CDH12: variants seen among roughly 807,000 people sequenced by gnomAD.
CDH12 encodes cadherin-12.
Under a neutral mutation model 74.1 loss-of-function variants are expected in CDH12, and 41 were observed. The ratio of observed to expected loss-of-function variants is 0.55; its 90% CI spans 0.43 to 0.72. The LOEUF (loss-of-function observed/expected upper bound fraction) is 0.72. CDH12 is among the 30% of genes least tolerant of loss of function. CDH12 has a pLI of 0.00. For missense variants in CDH12, 945 were observed against 977.2 expected (o/e 0.97, Z 0.44); for synonymous variants, 399 against 355.0 (o/e 1.12, Z -1.39).
intron 3 of CDH12, among the ~76,000 whole-genome samples, chr5:22,299,922 C>T (rs1181982538): frequency 1.3e-5 from 2 of 151,980 alleles, no homozygotes; most frequent in Non-Finnish European, 2.9e-5. Flanking sequence ...ACACTTTTAC[C>T]GAAATTAATT....
chr5:22,770,156 C>T (rs1746733580), intron 1 of CDH12, among the ~76,000 whole-genome samples: 1 of 150,812 alleles, frequency 6.6e-6, no homozygotes, highest in Non-Finnish European at 1.5e-5. Flanking sequence ...TGTGTATTGT[C>T]CAAAAACTAA....
intron 2 of CDH12, among the ~76,000 whole-genome samples, chr5:22,489,139 G>A (rs1376980249): frequency 8.5e-6 from 1 of 117,660 alleles, no homozygotes; most frequent in Non-Finnish European, 1.8e-5. Flanking sequence ...CTCACTGCAA[G>A]CTCCACCTCC....
chr5:21,836,977 C>A (rs571599764), intron 8 of CDH12, among the ~76,000 whole-genome samples: 1 of 151,908 alleles, frequency 6.6e-6, no homozygotes, highest in Non-Finnish European at 1.5e-5. Context: ...TCTGTAGGAT[C>A]TTTTGGGGGA....
At chr5:22,742,193 AGAAAG>A (rs1745062098) in intron 1 of CDH12, among the ~76,000 whole-genome samples, 1 of 151,382 alleles carries the variant, frequency 6.6e-6, no homozygotes, top group South Asian at 2.1e-4. Flanking sequence ...AAAAAAAAGA[AGAAAG>A]AAAGAAAGAA....
intron 2 of CDH12, among the ~76,000 whole-genome samples, chr5:22,488,138 C>T (rs1300528588): frequency 6.6e-6 from 1 of 152,156 alleles, no homozygotes; most frequent in Admixed American, 6.5e-5. Flanking sequence ...TGATTTGACA[C>T]ACCTCATACA....
chr5:21,779,041 GT>G (rs550851353), intron 11 of CDH12, among the ~76,000 whole-genome samples: 7 of 151,014 alleles, frequency 4.6e-5, no homozygotes, highest in Admixed American at 2.0e-4. Flanking sequence ...GGAATTCACT[GT>G]TTTTTTTTAA....
At chr5:22,578,404 A>C (rs1739904904) in intron 1 of CDH12, among the ~76,000 whole-genome samples, 1 of 151,136 alleles carries the variant, frequency 6.6e-6, no homozygotes, top group Admixed American at 6.6e-5. Flanking sequence ...GGGTGTTTTT[A>C]GCATATTAGG....
At chr5:22,472,559 A>G (rs1746006624) in intron 2 of CDH12, among the ~76,000 whole-genome samples, 1 of 152,132 alleles carries the variant, frequency 6.6e-6, no homozygotes, top group Admixed American at 6.6e-5. Context: ...AAATGCTAAT[A>G]TTTCCAAACT....
intron 1 of CDH12, among the ~76,000 whole-genome samples, chr5:22,639,867 C>T: frequency 6.6e-6 from 1 of 152,128 alleles, no homozygotes; most frequent in Non-Finnish European, 1.5e-5. Flanking sequence ...CATACTGTTT[C>T]AGGCCCGAGT....
At chr5:22,433,307 A>G (rs1377418484) in intron 2 of CDH12, among the ~76,000 whole-genome samples, 1 of 152,310 alleles carries the variant, frequency 6.6e-6, no homozygotes, top group East Asian at 1.9e-4. Context: ...AATGTATCAA[A>G]CAATTGGCTG....
intron 5 of CDH12, among the ~76,000 whole-genome samples, chr5:21,991,802 A>G (rs1757766655): frequency 6.6e-6 from 1 of 151,814 alleles, no homozygotes; most frequent in South Asian, 2.1e-4. Flanking sequence ...TCACAAATGC[A>G]GAAAAAATAA....
At chr5:22,328,873 G>C (rs1739232085) in intron 3 of CDH12, among the ~76,000 whole-genome samples, 2 of 152,110 alleles carry the variant, frequency 1.3e-5, no homozygotes, top group Admixed American at 6.5e-5. Flanking sequence ...TTTTTGCATA[G>C]GGCATTTCCC....
At chr5:21,922,640 G>A (rs1231195224) in intron 6 of CDH12, among the ~76,000 whole-genome samples, 4 of 152,082 alleles carry the variant, frequency 2.6e-5, no homozygotes, top group Admixed American at 2.0e-4. Context: ...ACATACATAT[G>A]TAGACAGAAA....
intron 10 of CDH12, among the ~76,000 whole-genome samples, chr5:21,798,860 T>C (rs1487078493): frequency 1.3e-5 from 2 of 152,180 alleles, no homozygotes; most frequent in African/African-American, 4.8e-5. Flanking sequence ...CAGCCTTAAG[T>C]GACTAAGACA....
rs188360141 is a variant in CDH12, at chr5:21,774,768, T to C, written c.1393+8590A>G. Among the ~76,000 whole-genome samples, 8 of 152,222 alleles carry C rather than the reference T, an allele frequency of 5.3e-5. No individual in the cohort carries two copies. The East Asian group carries it at 1.4e-3, about 26-fold the overall frequency. On this transcript the variant is annotated intron_variant, in intron 11 of 14. Transcript: ENST00000382254. The stretch of plus-strand genomic sequence containing the variant: ...CGAAAAATAAGAGGAAAGCAATAAT[T>C]TGGGCAATTGAAAGAAGAAAGGATT...
chr5:22,456,124 T>C (rs1745259314), intron 2 of CDH12, among the ~76,000 whole-genome samples: 1 of 43,216 alleles, frequency 2.3e-5, no homozygotes, highest in Admixed American at 4.8e-4. Flanking sequence ...TATATATATA[T>C]ATATATATAT....
chr5:22,170,190 G>A (rs1748937548), intron 4 of CDH12, among the ~76,000 whole-genome samples: 1 of 151,802 alleles, frequency 6.6e-6, no homozygotes, highest in Admixed American at 6.6e-5. Context: ...AACGATAATA[G>A]CCAGACCTGC....
intron 10 of CDH12, among the ~76,000 whole-genome samples, chr5:21,794,972 C>T (rs1262628648): frequency 6.6e-6 from 1 of 151,338 alleles, no homozygotes; most frequent in African/African-American, 2.4e-5. Context: ...TGAGAAAGTA[C>T]TAAATATTCA....
chr5:22,198,450 C>T (rs1750744087), intron 4 of CDH12, among the ~76,000 whole-genome samples: 1 of 152,152 alleles, frequency 6.6e-6, no homozygotes, highest in African/African-American at 2.4e-5. Flanking sequence ...TCAATATTTT[C>T]ATTTTTATGT....
Sources: gnomAD v4.1 joint callset for allele counts (sites outside exome capture counted in the v4.1 genomes callset) on GRCh38, gnomAD v4.1.1 for gene constraint, MANE v1.5 for transcripts, NCBI Gene and HGNC (gene_info 2026-07-23, HGNC 2026-07-21) for gene names.